The following IGF2BP3 variants were observed in gnomAD, a reference collection of about 807,000 sequenced individuals.
The protein encoded by IGF2BP3 is insulin-like growth factor 2 mRNA-binding protein 3.
Under a neutral mutation model 73.8 loss-of-function variants are expected in IGF2BP3, and 9 were observed. The ratio of observed to expected loss-of-function variants is 0.12; its 90% CI spans 0.07 to 0.21. IGF2BP3 has a LOEUF of 0.21. Among genes scored for constraint, IGF2BP3 ranks in the 10% least tolerant of loss-of-function variants. IGF2BP3 has a pLI of 1.00. For synonymous variants in IGF2BP3, 258 were observed against 256.7 expected (o/e 1.01, Z -0.05); for missense variants, 542 against 714.0 (o/e 0.76, Z 2.75).
intron 11 of IGF2BP3, 90 bp downstream of exon 11, chr7:23,319,048 A>ATATAATTTATAT: frequency 1.2e-6 from 1 of 861,820 alleles, no homozygotes; most frequent in Non-Finnish European, 1.9e-6. Context: ...AGTGTCTTTT[A>ATATAATTTATAT]CATTCTATTC....
intron 3 of IGF2BP3, chr7:23,414,288 T>C (rs1460981669): frequency 6.6e-6 from 1 of 152,238 alleles, no homozygotes; most frequent in African/African-American, 2.4e-5. Context: ...TGACACAGCA[T>C]GTAAGATATG....
intron 3 of IGF2BP3, among the ~76,000 whole-genome samples, chr7:23,370,073 T>C (rs1785498995): frequency 6.6e-6 from 1 of 152,202 alleles, no homozygotes; most frequent in African/African-American, 2.4e-5. Flanking sequence ...TAAGAGGTTG[T>C]CAGTTACCTG....
At chr7:23,438,661 A>G (rs2128544260) in intron 2 of IGF2BP3, among the ~76,000 whole-genome samples, 1 of 152,154 alleles carries the variant, frequency 6.6e-6, no homozygotes, top group Admixed American at 6.5e-5. Context: ...CATTTCAAGG[A>G]CCCCACACGC....
intron 2 of IGF2BP3, among the ~76,000 whole-genome samples, chr7:23,455,712 G>A (rs1788299760): frequency 6.6e-6 from 1 of 152,102 alleles, no homozygotes; most frequent in Non-Finnish European, 1.5e-5. Flanking sequence ...TGGAGACGGA[G>A]TCTCCCTCTG....
chr7:23,431,089 C>T (rs1362360812), intron 2 of IGF2BP3: 1 of 152,138 alleles, frequency 6.6e-6, no homozygotes, highest in Non-Finnish European at 1.5e-5. Context: ...CAACCAGGAA[C>T]AAAATGTACA....
At chr7:23,378,940 T>C (rs577715016) in intron 3 of IGF2BP3, among the ~76,000 whole-genome samples, 5 of 152,048 alleles carry the variant, frequency 3.3e-5, no homozygotes, top group African/African-American at 9.6e-5. Flanking sequence ...CAGAACCAAA[T>C]GTATGAATTA....
chr7:23,312,610 C>G, intron 14 of IGF2BP3, 125 bp downstream of exon 14: 1 of 891,224 alleles, frequency 1.1e-6, no homozygotes, highest in Non-Finnish European at 1.8e-6. Flanking sequence ...AAATCACCCG[C>G]TAAAAGGGAG....
In IGF2BP3 at chr7:23,376,593, C is replaced by T. The variant is rs150124753; in HGVS notation, c.286-14852G>A. The stretch of plus-strand genomic sequence containing the variant: ...AAAGAAAAAGCCTTGAGGCTGGGCA[C>T]GGTGGCTCACACCTATAATCCCAAC... On this transcript the variant is annotated intron_variant, in intron 3 of 14. Transcript: ENST00000258729. Among the ~76,000 whole-genome samples the T allele has an allele frequency of 5.8e-3, 882 of 150,950 alleles. 9 individuals carry two copies. Among genetic ancestry groups the T allele is most frequent in the African/African-American group, 0.02 (833 of 41,170 alleles).
At chr7:23,341,062 C>T (rs1205861982) in intron 10 of IGF2BP3, among the ~76,000 whole-genome samples, 2 of 151,966 alleles carry the variant, frequency 1.3e-5, no homozygotes, top group Non-Finnish European at 2.9e-5. Context: ...GTTGGCCAGG[C>T]TGGTCTTGAA....
At chr7:23,400,891 C>A (rs919123697) in intron 3 of IGF2BP3, among the ~76,000 whole-genome samples, 3 of 152,238 alleles carry the variant, frequency 2.0e-5, no homozygotes, top group Non-Finnish European at 4.4e-5. Flanking sequence ...TATCCACCTC[C>A]TGGGTTCAAG....
At chr7:23,343,648 T>C (rs924942259) in intron 9 of IGF2BP3, 70 bp downstream of exon 9, 3 of 1,407,386 alleles carry the variant, frequency 2.1e-6, no homozygotes, top group African/African-American at 1.4e-5. Flanking sequence ...GAATTCAATA[T>C]TAATGCAGTT....
At chr7:23,360,816 G>T (rs1457408598) in intron 5 of IGF2BP3, among the ~76,000 whole-genome samples, 1 of 152,194 alleles carries the variant, frequency 6.6e-6, no homozygotes, top group Non-Finnish European at 1.5e-5. Flanking sequence ...GGCTTCCATA[G>T]TTAGCTAACA....
At position 23,371,245 on chromosome 7, in the gene IGF2BP3, A is replaced by G. The variant is rs988239129; in HGVS notation, c.286-9504T>C. On this transcript the variant is annotated intron_variant, in intron 3 of 14. Coordinates refer to ENST00000258729, the MANE Select transcript of IGF2BP3 (RefSeq NM_006547.3). ...TTTCTAGAAAGGAGTCACCTTGACTACTACTCATTGCAACAAGAGAGGCAA... is the reference window on the plus strand; with the variant it reads ...TTTCTAGAAAGGAGTCACCTTGACTGCTACTCATTGCAACAAGAGAGGCAA... Among the ~76,000 whole-genome samples the G allele has an allele frequency of 7.2e-5, 11 of 152,036 alleles. 1 individual carries two copies. The highest frequency in any genetic ancestry group is 2.4e-4 in the African/African-American group (10 of 41,388).
chr7:23,342,178 A>G lies in IGF2BP3; in HGVS notation c.1089T>C (p.His363=). Residue 363 remains histidine, a synonymous_variant, in exon 10 of 15, where the codon CAT becomes CAC. Coordinates refer to ENST00000258729, the MANE Select transcript of IGF2BP3 (RefSeq NM_006547.3). ...NDIASMNLQA[H]LIPGLNLNAL... Reference sequence around the variant, plus strand: ...CGTTCAGATTTAATCCAGGAATTAAATGTGCTTGAAGCTGCAACAGTAAAA... The same window carrying G: ...CGTTCAGATTTAATCCAGGAATTAAGTGTGCTTGAAGCTGCAACAGTAAAA... 2 of 1,613,804 alleles carry G rather than the reference A, an allele frequency of 1.2e-6. No homozygotes were observed. The highest frequency in any genetic ancestry group is 1.7e-6 in the Non-Finnish European group (2 of 1,179,794).
chr7:23,341,887 C>T (rs1468182522), intron 10 of IGF2BP3, among the ~76,000 whole-genome samples, 177 bp downstream of exon 10: 2 of 152,146 alleles, frequency 1.3e-5, no homozygotes, highest in Admixed American at 6.6e-5. Flanking sequence ...TTGACAACCC[C>T]GCTATCCAAA....
intron 3 of IGF2BP3, among the ~76,000 whole-genome samples, chr7:23,368,480 T>C (rs934180784): frequency 2.0e-5 from 3 of 152,308 alleles, no homozygotes; most frequent in East Asian, 3.9e-4. Flanking sequence ...AACTCTACGA[T>C]AGACAGAAAG....
intron 3 of IGF2BP3, among the ~76,000 whole-genome samples, chr7:23,376,727 G>A (rs1465443447): frequency 6.6e-6 from 1 of 152,034 alleles, no homozygotes; most frequent in East Asian, 1.9e-4. Flanking sequence ...AATTACCTGG[G>A]AATGGTGGTG....
chr7:23,320,132 G>C (rs199981169), intron 10 of IGF2BP3, among the ~76,000 whole-genome samples: 1 of 148,958 alleles, frequency 6.7e-6, no homozygotes, highest in Non-Finnish European at 1.5e-5. Context: ...GGCTGGTCTT[G>C]AACTCCTGAC....
At chr7:23,363,404 C>T (rs1164071768) in intron 3 of IGF2BP3, among the ~76,000 whole-genome samples, 1 of 151,964 alleles carries the variant, frequency 6.6e-6, no homozygotes, top group Non-Finnish European at 1.5e-5. Context: ...TGCCACCACA[C>T]CTGGCTAATT....
Sources: gnomAD v4.1 joint callset for allele counts (sites outside exome capture counted in the v4.1 genomes callset) on GRCh38, gnomAD v4.1.1 for gene constraint, MANE v1.5 for transcripts, NCBI Gene and HGNC (gene_info 2026-07-23, HGNC 2026-07-21) for gene names.